PRDM5: variants seen among roughly 807,000 people sequenced by gnomAD.
PRDM5 encodes PR/SET domain 5.
A neutral mutation model predicts 81.2 loss-of-function variants in PRDM5; 56 were observed. The ratio of observed to expected loss-of-function variants is 0.69; its 90% CI spans 0.56 to 0.86. The LOEUF (loss-of-function observed/expected upper bound fraction) is 0.86, where lower values mean the gene tolerates loss of function less well. Among genes scored for constraint, PRDM5 ranks in the 40% least tolerant of loss-of-function variants. The pLI is 0.00. For synonymous variants in PRDM5, 267 were observed against 256.4 expected, an observed-to-expected ratio of 1.04 and a Z score of -0.39; for missense variants, 697 against 770.1, an observed-to-expected ratio of 0.91 and a Z score of 1.12.
intron 2 of PRDM5, among the ~76,000 whole-genome samples, chr4:120,898,464 C>G (rs1447589954): frequency 6.6e-6 from 1 of 152,176 alleles, no homozygotes; most frequent in East Asian, 1.9e-4. Flanking sequence ...GAGTAACCCT[C>G]TAGACAGGCT....
intron 3 of PRDM5, among the ~76,000 whole-genome samples, chr4:120,829,296 T>C (rs1199553982): frequency 6.6e-6 from 1 of 152,090 alleles, no homozygotes; most frequent in African/African-American, 2.4e-5. Context: ...CCAGTCTAAT[T>C]ATTTCTGCTT....
intron 1 of PRDM5, among the ~76,000 whole-genome samples, chr4:120,922,273 G>A (rs903231325): frequency 8.5e-5 from 13 of 152,094 alleles, no homozygotes; most frequent in African/African-American, 2.9e-4. Flanking sequence ...CCCTGGACCG[G>A]CCGGCAGCGG....
chr4:120,869,125 G>A (rs765468340), intron 2 of PRDM5, among the ~76,000 whole-genome samples: 2 of 151,984 alleles, frequency 1.3e-5, no homozygotes, highest in African/African-American at 2.4e-5. Context: ...TAAATCAAAA[G>A]TTAAAATGTA....
At chr4:120,699,139 A>G (rs1734925760) in intron 15 of PRDM5, among the ~76,000 whole-genome samples, 1 of 139,266 alleles carries the variant, frequency 7.2e-6, no homozygotes, top group Non-Finnish European at 1.5e-5. Context: ...TAACAAATGT[A>G]TAGGCAATTA....
At chr4:120,878,317 T>C (rs1481367205) in intron 2 of PRDM5, among the ~76,000 whole-genome samples, 1 of 152,220 alleles carries the variant, frequency 6.6e-6, no homozygotes, top group African/African-American at 2.4e-5. Flanking sequence ...GGGAAAAGGA[T>C]AGTCTTTTCA....
intron 14 of PRDM5, among the ~76,000 whole-genome samples, chr4:120,718,785 CT>C (rs1432597758): frequency 6.6e-6 from 1 of 152,190 alleles, no homozygotes; most frequent in Non-Finnish European, 1.5e-5. Context: ...TTCTCAGCTG[CT>C]ACCATAGTGG....
chr4:120,895,957 G>A (rs747977337), intron 2 of PRDM5, among the ~76,000 whole-genome samples: 1 of 152,018 alleles, frequency 6.6e-6, no homozygotes, highest in African/African-American at 2.4e-5. Context: ...GAAATCTGTT[G>A]GTGAGAATTT....
chr4:120,810,132 AC>A (rs1356758972), intron 8 of PRDM5, among the ~76,000 whole-genome samples: 2 of 151,770 alleles, frequency 1.3e-5, no homozygotes, highest in Non-Finnish European at 2.9e-5. Context: ...CTCCTCCCCC[AC>A]CCCCTGGTCC....
chr4:120,744,637 A>T (rs557750813), intron 14 of PRDM5, among the ~76,000 whole-genome samples: 1 of 152,274 alleles, frequency 6.6e-6, no homozygotes, highest in African/African-American at 2.4e-5. Context: ...CTACCATCAG[A>T]GAATACTACA....
intron 10 of PRDM5, among the ~76,000 whole-genome samples, chr4:120,792,637 C>T (rs1219211079): frequency 6.6e-6 from 1 of 151,886 alleles, no homozygotes; most frequent in Non-Finnish European, 1.5e-5. Context: ...TGCGTAAAAG[C>T]CAGGATATAA....
At chr4:120,707,378 C>T (rs891358755) in intron 15 of PRDM5, among the ~76,000 whole-genome samples, 1 of 151,306 alleles carries the variant, frequency 6.6e-6, no homozygotes, top group Admixed American at 6.6e-5. Flanking sequence ...AAAACTCCAA[C>T]ATCCTCTCTT....
At chr4:120,816,281 T>G in intron 7 of PRDM5, 172 bp downstream of exon 7, 6 of 994,024 alleles carry the variant, frequency 6.0e-6, no homozygotes, top group East Asian at 2.6e-5. Flanking sequence ...AAATTCAACC[T>G]GAGAAAGAAA....
intron 13 of PRDM5, among the ~76,000 whole-genome samples, chr4:120,758,323 A>G (rs1320631110): frequency 1.3e-5 from 2 of 152,178 alleles, no homozygotes; most frequent in Non-Finnish European, 2.9e-5. Flanking sequence ...CAATAGATAC[A>G]TGGTCACTTG....
At chr4:120,843,080 C>G (rs1758211152) in intron 3 of PRDM5, among the ~76,000 whole-genome samples, 1 of 152,090 alleles carries the variant, frequency 6.6e-6, no homozygotes, top group Admixed American at 6.5e-5. Context: ...ACCTATAATC[C>G]CAGCACTTTA....
chr4:120,761,538 A>C (rs1745612481), intron 13 of PRDM5, among the ~76,000 whole-genome samples: 1 of 152,194 alleles, frequency 6.6e-6, no homozygotes, highest in African/African-American at 2.4e-5. Flanking sequence ...AAGGATTAAC[A>C]TACTGGTATT....
rs552878062 is a variant in PRDM5, at chr4:120,791,745, T to C, written c.1188+6522A>G. ...AATGTTTGTGTCCGACCAAAATTCA[T>C]AGGTTGCGTCTTAACCCCCAATGTG... On this transcript the variant is annotated intron_variant, in intron 10 of 15. Coordinates refer to ENST00000264808, the MANE Select transcript of PRDM5 (RefSeq NM_018699.4). Among the ~76,000 whole-genome samples the C allele has an allele frequency of 5.3e-5, 8 of 152,248 alleles. 1 individual carries two copies. The highest frequency in any genetic ancestry group is 4.1e-4 in the South Asian group (2 of 4,828).
downstream of PRDM5, among the ~76,000 whole-genome samples, chr4:120,684,662 AC>A (rs1256133598): frequency 6.6e-6 from 1 of 151,922 alleles, no homozygotes; most frequent in Admixed American, 6.6e-5. Context: ...CTCATGTCTG[AC>A]CAACATGATC....
chr4:120,729,282 C>T (rs548505974), intron 14 of PRDM5, among the ~76,000 whole-genome samples: 1 of 152,164 alleles, frequency 6.6e-6, no homozygotes, highest in South Asian at 2.1e-4. Flanking sequence ...AAGGAAAGAT[C>T]CATAACTCTA....
intron 2 of PRDM5, among the ~76,000 whole-genome samples, chr4:120,887,088 G>A (rs1030670998): frequency 6.6e-6 from 1 of 152,088 alleles, no homozygotes; most frequent in Non-Finnish European, 1.5e-5. Context: ...TGGGACTACA[G>A]GCGCCCGCCA....
Sources: allele counts gnomAD v4.1 joint callset (sites outside exome capture counted in the v4.1 genomes callset), GRCh38; gene constraint gnomAD v4.1.1; transcripts MANE v1.5; gene names NCBI Gene and HGNC (gene_info 2026-07-23, HGNC 2026-07-21).